The following VPS13B variants were observed in gnomAD, a reference collection of about 807,000 sequenced individuals.
VPS13B encodes vacuolar protein sorting 13 homolog B, also known as intermembrane lipid transfer protein VPS13B.
A neutral mutation model predicts 426.4 loss-of-function variants in VPS13B; 285 were observed. The ratio of observed to expected loss-of-function variants is 0.67; its 90% CI spans 0.61 to 0.74. The LOEUF is 0.74. Ranked by LOEUF, VPS13B falls within the 30% of genes least tolerant of loss-of-function variation. VPS13B has a pLI of 0.00. For synonymous variants in VPS13B, 1,676 were observed against 1,676.4 expected (o/e 1.00, Z 0.01); for missense variants, 4,537 against 4,782.6 (o/e 0.95, Z 1.51).
intron 33 of VPS13B, among the ~76,000 whole-genome samples, chr8:99,626,892 G>A (rs577155415): frequency 6.6e-6 from 1 of 152,220 alleles, no homozygotes; most frequent in East Asian, 1.9e-4. Flanking sequence ...ACAGATGAAT[G>A]GATAAAGAAA....
At chr8:99,331,503 T>G (rs1810540344) in intron 19 of VPS13B, among the ~76,000 whole-genome samples, 1 of 151,772 alleles carries the variant, frequency 6.6e-6, no homozygotes. Context: ...ACACCACTAG[T>G]AGTTGAACTG....
intron 17 of VPS13B, among the ~76,000 whole-genome samples, chr8:99,266,895 T>G (rs1818338323): frequency 6.6e-6 from 1 of 152,206 alleles, no homozygotes; most frequent in South Asian, 2.1e-4. Flanking sequence ...TTACCCAGTC[T>G]TGGGTATTTC....
chr8:99,800,536 G>T (rs886317007), intron 43 of VPS13B, among the ~76,000 whole-genome samples: 1 of 152,066 alleles, frequency 6.6e-6, no homozygotes, highest in African/African-American at 2.4e-5. Flanking sequence ...TTTAATGCAT[G>T]AAACATCTTT....
intron 6 of VPS13B, among the ~76,000 whole-genome samples, chr8:99,112,079 T>A (rs1234231406): frequency 6.6e-6 from 1 of 152,222 alleles, no homozygotes; most frequent in Admixed American, 6.5e-5. Flanking sequence ...AAATTTTCTG[T>A]CCAATGTAGT....
intron 30 of VPS13B, among the ~76,000 whole-genome samples, chr8:99,545,650 T>A (rs1196767949): frequency 1.3e-5 from 2 of 152,096 alleles, no homozygotes; most frequent in Admixed American, 6.5e-5. Flanking sequence ...TCTCAATTGC[T>A]GAGTATAAGA....
chr8:99,486,294 C>T (rs559467817), intron 25 of VPS13B, among the ~76,000 whole-genome samples: 4 of 152,030 alleles, frequency 2.6e-5, no homozygotes, highest in East Asian at 3.9e-4. Context: ...GGCGCGATCT[C>T]GGCTCAGTGC....
chr8:99,696,908 T>C, intron 35 of VPS13B: 3 of 748,466 alleles, frequency 4.0e-6, no homozygotes, highest in Non-Finnish European at 7.5e-6. Flanking sequence ...ACCATGTGAC[T>C]GCGCTCCATA....
At chr8:99,484,939 A>G (rs1820226688) in intron 25 of VPS13B, among the ~76,000 whole-genome samples, 1 of 152,074 alleles carries the variant, frequency 6.6e-6, no homozygotes, top group Non-Finnish European at 1.5e-5. Flanking sequence ...CCTTCATAAA[A>G]TTTTTGCATT....
rs5893475 is a variant in VPS13B at position 99,037,837 on chromosome 8, C to CT, written c.148-569dup. Among the ~76,000 whole-genome samples the CT allele has an allele frequency of 2.6e-3, 373 of 142,084 alleles. 1 individual carries two copies. Among genetic ancestry groups the CT allele is most frequent in the African/African-American group, 8.5e-3 (331 of 38,726 alleles). 93.2% of individuals were successfully genotyped at this position (142,084 alleles called of 152,430 possible). On this transcript the variant is annotated intron_variant, in intron 2 of 61. Transcript: ENST00000357162. The stretch of plus-strand genomic sequence containing the variant: ...ATTTTACATTAGGTGAAGTGGAATA[C>CT]TTTTTTTTTTTTTTTTTAAGTTGAT...
chr8:99,143,408 C>A (rs950153137), intron 13 of VPS13B, among the ~76,000 whole-genome samples: 7 of 151,858 alleles, frequency 4.6e-5, no homozygotes, highest in Non-Finnish European at 1.0e-4. Flanking sequence ...TATTGTTATA[C>A]CTTTTTGATA....
rs142300526 is a variant in VPS13B, at chr8:99,672,082, C to T, written c.6046+10591C>T. Among the ~76,000 whole-genome samples the T allele has an allele frequency of 2.9e-3, 438 of 152,166 alleles. 3 individuals carry two copies. Among genetic ancestry groups the T allele is most frequent in the African/African-American group, 0.01 (418 of 41,552 alleles). On this transcript the variant is annotated intron_variant, in intron 35 of 61. Coordinates refer to ENST00000357162, the MANE Select transcript of VPS13B (RefSeq NM_152564.5). ...TGCTTCTAGCTTTGTTCCTTTTGCT[C>T]AAGATTGCTTTGGTTATTCAGGGTC... is the stretch of plus-strand genomic sequence containing the variant.
intron 2 of VPS13B, among the ~76,000 whole-genome samples, chr8:99,028,114 C>G (rs1285057306): frequency 6.6e-6 from 1 of 152,222 alleles, no homozygotes; most frequent in African/African-American, 2.4e-5. Context: ...GTCTACTTCT[C>G]TCCACACAGA....
At chr8:99,145,433 T>TA (rs1353868083) in intron 13 of VPS13B, among the ~76,000 whole-genome samples, 1 of 152,182 alleles carries the variant, frequency 6.6e-6, no homozygotes, top group Non-Finnish European at 1.5e-5. Flanking sequence ...GTTGCTCTCT[T>TA]ACAACCACAC....
chr8:99,693,270 G>C (rs1443572589), intron 35 of VPS13B, among the ~76,000 whole-genome samples: 1 of 149,882 alleles, frequency 6.7e-6, no homozygotes, highest in Non-Finnish European at 1.5e-5. Context: ...CAATATCCTT[G>C]ATGAACATTG....
Position 99,854,197 on chromosome 8 carries a change from C to A in VPS13B, c.10808C>A (p.Ala3603Glu). ...GAAAGAGGACCCATCTTCACCACTG[C>A]GAGGCAGCTTGTGCACGCCCTGGCA... ...VFERGPIFTT[A>E]RQLVHALAMH... is the part of the protein sequence containing the mutation. Residue 3603 changes from alanine (A) to glutamate (E), a missense_variant, in exon 56 of 62, where the codon GCG becomes GAG. By Grantham distance (107) the Ala-to-Glu change is moderately radical. Coordinates refer to ENST00000357162, the MANE Select transcript of VPS13B (RefSeq NM_152564.5). The A allele has an allele frequency of 6.2e-7, 1 of 1,614,016 alleles. No individual in the cohort carries two copies. Among genetic ancestry groups the A allele is most frequent in the Non-Finnish European group, 8.5e-7 (1 of 1,180,028 alleles).
At chr8:99,619,995 T>C (rs1186019880) in intron 33 of VPS13B, among the ~76,000 whole-genome samples, 4 of 151,934 alleles carry the variant, frequency 2.6e-5, no homozygotes, top group Non-Finnish European at 5.9e-5. Context: ...TTTTTACTTT[T>C]GAAATTATAA....
chr8:99,163,185 C>T (rs1445077000), intron 15 of VPS13B, among the ~76,000 whole-genome samples: 1 of 152,072 alleles, frequency 6.6e-6, no homozygotes, highest in South Asian at 2.1e-4. Context: ...TTCTCCAAGG[C>T]CCCACCAGAG....
intron 5 of VPS13B, among the ~76,000 whole-genome samples, chr8:99,105,664 C>A (rs1364683741): frequency 6.6e-6 from 1 of 152,136 alleles, no homozygotes; most frequent in Admixed American, 6.5e-5. Flanking sequence ...CAGGCATGAG[C>A]CACTGTGCCC....
chr8:99,125,958 C>T (rs4735599), intron 8 of VPS13B, among the ~76,000 whole-genome samples: 151,861 of 151,880 alleles, frequency 1, 75,921 homozygotes, highest in Non-Finnish European at 1. Flanking sequence ...CAGGTAATTA[C>T]AGCATGTTTG....
Sources: allele counts gnomAD v4.1 joint callset (sites outside exome capture counted in the v4.1 genomes callset), GRCh38; gene constraint gnomAD v4.1.1; transcripts MANE v1.5; gene names NCBI Gene and HGNC (gene_info 2026-07-23, HGNC 2026-07-21).